Variants in PCDHGB5 observed in about 807,000 individuals in gnomAD.
PCDHGB5 encodes the protein protocadherin gamma-B5.
Under a neutral mutation model 62.9 loss-of-function variants are expected in PCDHGB5, and 48 were observed. That is an observed-to-expected ratio of 0.76 (90% CI 0.61 to 0.97). The LOEUF is 0.97. Among genes scored for constraint, PCDHGB5 ranks in the 50% least tolerant of loss-of-function variants. The pLI, the probability that PCDHGB5 is intolerant of heterozygous loss-of-function variation, is 0.00. For missense variants in PCDHGB5, 1,118 were observed against 1,198.6 expected, an observed-to-expected ratio of 0.93 and a Z score of 0.99; for synonymous variants, 474 against 511.2, an observed-to-expected ratio of 0.93 and a Z score of 0.98.
At chr5:141,500,991 C>T (rs2099804636) in intron 2 of PCDHGB5, among the ~76,000 whole-genome samples, 1 of 152,024 alleles carries the variant, frequency 6.6e-6, no homozygotes, top group South Asian at 2.1e-4. Flanking sequence ...GCCTCAGCCT[C>T]CTGAGTAGCT....
In PCDHGB5 at chr5:141,486,056, C is replaced by T; in HGVS notation, c.2398-8751C>T. 6.2e-7 allele frequency: 1 copy of T among 1,614,170 alleles called. No homozygotes were observed. The highest frequency in any genetic ancestry group is 8.5e-7 in the Non-Finnish European group (1 of 1,180,026). ...TGATCGTGTAAGAAACCTCTTTAGC[C>T]TGCACCCCACTACTGGAAAGCTTAC... On this transcript the variant is annotated intron_variant, in intron 1 of 3. Transcript: ENST00000617380. The surrounding 1 kb of genome is among the most constrained non-coding windows in gnomAD (Gnocchi z 5.0).
chr5:141,508,479 T>G (rs1361434920), intron 3 of PCDHGB5, among the ~76,000 whole-genome samples: 1 of 152,152 alleles, frequency 6.6e-6, no homozygotes, highest in Non-Finnish European at 1.5e-5. Flanking sequence ...TCTTTTACAT[T>G]CTGGATTTCC....
intron 1 of PCDHGB5, chr5:141,421,221 G>A (rs746753262): frequency 6.3e-7 from 1 of 1,576,508 alleles, no homozygotes; most frequent in Non-Finnish European, 8.6e-7. Context: ...TCGGCTTAGA[G>A]CCTGCCATGG....
At chr5:141,410,366 G>A (rs3749767) in intron 1 of PCDHGB5, 379,797 of 1,613,758 alleles carry the variant, frequency 0.24, 48,670 homozygotes, top group African/African-American at 0.5. Context: ...TCTCAGCCCT[G>A]CTACTTGGGA....
chr5:141,430,433 T>C (rs1371764261), intron 1 of PCDHGB5, among the ~76,000 whole-genome samples: 2 of 151,080 alleles, frequency 1.3e-5, no homozygotes, highest in Admixed American at 6.6e-5. Context: ...ATACGGTAGA[T>C]TTCCATCCCC....
Position 141,431,431 on chromosome 5 carries a change from C to T in PCDHGB5, c.2397+30907C>T, listed in dbSNP as rs776557037. ...ACGGGGGCGACCCGGTGCGCACAGG[C>T]ACCGCGCGCATCCGCGTGATGGTTC... is the stretch of plus-strand genomic sequence containing the variant. On this transcript the variant is annotated intron_variant, in intron 1 of 3. Transcript: ENST00000617380. This position sits in a 1 kb window ranked among gnomAD's most constrained non-coding sequence, Gnocchi z 4.8. 11 of 1,613,586 alleles carry T rather than the reference C, an allele frequency of 6.8e-6. No individual in the cohort carries two copies. The East Asian group carries it at 1.1e-4, about 16-fold the overall frequency.
Position 141,491,935 on chromosome 5 carries a change from C to A in PCDHGB5, c.2398-2872C>A. 1 of 1,205,518 alleles carries A rather than the reference C, an allele frequency of 8.3e-7. No homozygotes were observed. Among genetic ancestry groups the A allele is most frequent in the South Asian group, 1.7e-5 (1 of 59,176 alleles). 74.7% of individuals were successfully genotyped at this position (1,205,518 alleles called of 1,614,324 possible). On this transcript the variant is annotated intron_variant, in intron 1 of 3. Transcript: ENST00000617380. The surrounding 1 kb of genome is among the most constrained non-coding windows in gnomAD (Gnocchi z 6.9). ...GACTGTGGGCGAGGGGAGGTGGGACCGACCCCCACCCCTACACTCAAAAAA... is the reference window on the plus strand; with the variant it reads ...GACTGTGGGCGAGGGGAGGTGGGACAGACCCCCACCCCTACACTCAAAAAA...
At chr5:141,423,099 G>C (rs1344463949) in intron 1 of PCDHGB5, 1 of 1,613,826 alleles carries the variant, frequency 6.2e-7, no homozygotes, top group Non-Finnish European at 8.5e-7. Flanking sequence ...GGGAGCACAC[G>C]GGCGAGGTGC....
At chr5:141,502,862 C>CTTTT (rs2154593209) in intron 2 of PCDHGB5, among the ~76,000 whole-genome samples, 1 of 68,550 alleles carries the variant, frequency 1.5e-5, no homozygotes, top group African/African-American at 9.9e-5. Flanking sequence ...CCCTGACTCT[C>CTTTT]TGTCTTTTTT....
intron 2 of PCDHGB5, among the ~76,000 whole-genome samples, chr5:141,497,781 C>T (rs2099779421): frequency 1.3e-5 from 2 of 152,192 alleles, no homozygotes; most frequent in African/African-American, 4.8e-5. Flanking sequence ...CTCAACTGAT[C>T]CACCTGCTTC....
chr5:141,491,871 C>T lies in PCDHGB5; in HGVS notation c.2398-2936C>T, dbSNP rs1222191027. 2.1e-6 allele frequency: 3 copies of T among 1,451,434 alleles called. No individual in the cohort carries two copies. Among genetic ancestry groups the T allele is most frequent in the Non-Finnish European group, 2.7e-6 (3 of 1,098,418 alleles). 89.9% of individuals were successfully genotyped at this position (1,451,434 alleles called of 1,614,324 possible). ...ACCGTTTGCGCGAAACCAGAGTGGC[C>T]GATTAAGGGATGGGGCTCCGAGCAC... On this transcript the variant is annotated intron_variant, in intron 1 of 3. Transcript: ENST00000617380. The surrounding 1 kb of genome is among the most constrained non-coding windows in gnomAD (Gnocchi z 6.9).
chr5:141,430,756 A>G (rs747363475), intron 1 of PCDHGB5: 1 of 1,503,228 alleles, frequency 6.7e-7, no homozygotes, highest in Non-Finnish European at 8.9e-7. Flanking sequence ...GGAGGAAGAT[A>G]AGAATGATTC....
At chr5:141,423,761 TG>T in intron 1 of PCDHGB5, 1 of 156,420 alleles carries the variant, frequency 6.4e-6, no homozygotes, top group Non-Finnish European at 9.2e-6. Context: ...GGGGGGGGGG[TG>T]GGGCGGCATA....
chr5:141,415,552 G>T (rs1244457142), intron 1 of PCDHGB5: 3 of 1,613,980 alleles, frequency 1.9e-6, no homozygotes, highest in African/African-American at 2.7e-5. Flanking sequence ...TGAGAAAAAC[G>T]ATCCTTTGTC....
intron 1 of PCDHGB5, chr5:141,403,607 G>T: frequency 6.2e-7 from 1 of 1,613,858 alleles, no homozygotes; most frequent in Non-Finnish European, 8.5e-7. Flanking sequence ...GGATGGCGGC[G>T]AGCCGCGTCG....
In PCDHGB5 at chr5:141,419,882, T is replaced by A. The variant is rs145814583; in HGVS notation, c.2397+19358T>A. ...TAGCTTGCAAGAGGTACTGCCGGAT[T>A]TCAGCGACCATCCCACACCCTCTGA... On this transcript the variant is annotated intron_variant, in intron 1 of 3. Transcript: ENST00000617380. The A allele has an allele frequency of 4.9e-3, 7,980 of 1,614,092 alleles. 44 individuals carry two copies. Among genetic ancestry groups the A allele is most frequent in the Admixed American group, 9.4e-3 (567 of 60,032 alleles).
chr5:141,478,409 G>A, intron 1 of PCDHGB5: 1 of 1,613,016 alleles, frequency 6.2e-7, no homozygotes, highest in South Asian at 1.1e-5. Flanking sequence ...TCTCACCACG[G>A]ACTCCCGCCG....
Position 141,511,202 on chromosome 5 carries a change from C to A in PCDHGB5, c.*29C>A. On this transcript the variant is annotated 3_prime_UTR_variant, in exon 4 of 4. Transcript: ENST00000617380. ...GGAGGCCAGGCCAAGAGCCACAGGG[C>A]GGCCTCTCCCCAACCAGCCCAGCTT... The A allele has an allele frequency of 6.2e-7, 1 of 1,612,136 alleles. No individual in the cohort carries two copies.
Position 141,432,220 on chromosome 5 carries a change from C to T in PCDHGB5, c.2397+31696C>T. The T allele has an allele frequency of 6.2e-7, 1 of 1,614,246 alleles. No homozygotes were observed. Among genetic ancestry groups the T allele is most frequent in the Non-Finnish European group, 8.5e-7 (1 of 1,180,040 alleles). Reference sequence around the variant, plus strand: ...CCGACTGTGAAGAGAACGCCCAGATCACTTATTCCCTGGCTGAGAACACCA... The same window carrying T: ...CCGACTGTGAAGAGAACGCCCAGATTACTTATTCCCTGGCTGAGAACACCA... On this transcript the variant is annotated intron_variant, in intron 1 of 3. Coordinates refer to ENST00000617380, the MANE Select transcript of PCDHGB5 (RefSeq NM_018925.3). The surrounding 1 kb of genome is among the most constrained non-coding windows in gnomAD (Gnocchi z 6.0).
Sources: gnomAD v4.1 joint callset for allele counts (sites outside exome capture counted in the v4.1 genomes callset) on GRCh38, gnomAD v4.1.1 for gene constraint, Gnocchi (gnomAD v3.1) non-coding constraint, MANE v1.5 for transcripts, NCBI Gene and HGNC (gene_info 2026-07-23, HGNC 2026-07-21) for gene names.